CYREN: variants seen among roughly 807,000 people sequenced by gnomAD.
The protein encoded by CYREN is cell cycle regulator of non-homologous end joining.
A neutral mutation model predicts 9.7 loss-of-function variants in CYREN; 7 were observed. The observed-to-expected ratio is 0.72, with a 90% CI of 0.41 to 1.36. The LOEUF (loss-of-function observed/expected upper bound fraction) is 1.36, where lower values mean the gene tolerates loss of function less well. CYREN is among the 40% of genes most tolerant of loss of function. The pLI is 0.01. For synonymous variants in CYREN, 76 were observed against 77.9 expected, an observed-to-expected ratio of 0.98 and a Z score of 0.13; for missense variants, 215 against 198.1, an observed-to-expected ratio of 1.09 and a Z score of -0.51.
intron 2 of CYREN, among the ~76,000 whole-genome samples, chr7:135,154,398 C>T (rs1829737054): frequency 6.6e-6 from 1 of 152,006 alleles, no homozygotes; most frequent in Admixed American, 6.6e-5. Flanking sequence ...TTTCTGCTAA[C>T]TTTGGATTTG....
chr7:135,128,575 C>G lies in CYREN; in HGVS notation n.357-33993G>C, dbSNP rs1403455384. ...TCTATTTGGATTTGCCATAGAATTT[C>G]AAGATGTTTGTGAGCGCTATCTGCT... On this transcript the variant is annotated intron_variant and non_coding_transcript_variant, in intron 2 of 2. Coordinates refer to the CYREN transcript ENST00000459937. 1.0e-5 allele frequency: 8 copies of G among 770,346 alleles called. No homozygotes were observed. The East Asian group carries it at 2.0e-4, about 19-fold the overall frequency. 47.7% of individuals were successfully genotyped at this position (770,346 alleles called of 1,614,324 possible).
intron 2 of CYREN, among the ~76,000 whole-genome samples, chr7:135,138,593 A>G (rs1585329034): frequency 6.6e-6 from 1 of 152,080 alleles, no homozygotes; most frequent in South Asian, 2.1e-4. Context: ...ATTAAAATAG[A>G]AGGAGGTAGA....
intron 2 of CYREN, among the ~76,000 whole-genome samples, chr7:135,145,966 C>G (rs1278718233): frequency 1.3e-5 from 2 of 152,204 alleles, no homozygotes; most frequent in African/African-American, 4.8e-5. Context: ...ATAATGCTAA[C>G]AATCATCTGA....
chr7:135,120,300 G>T lies in CYREN; in HGVS notation n.357-25718C>A, dbSNP rs576520397. ...GATGTGGTTCCAAATATACATAAAA[G>T]ACATATTTAAGACCACTATAAATGT... On this transcript the variant is annotated intron_variant and non_coding_transcript_variant, in intron 2 of 2. Coordinates refer to the CYREN transcript ENST00000459937. 1.1e-3 allele frequency among the ~76,000 whole-genome samples: 171 copies of T among 152,224 alleles called. 1 individual carries two copies. Among genetic ancestry groups the T allele is most frequent in the Middle Eastern group, 0.01 (3 of 294 alleles).
At chr7:135,100,283 C>T (rs10808281) in intron 2 of CYREN, among the ~76,000 whole-genome samples, 145,370 of 152,160 alleles carry the variant, frequency 0.96, 69,757 homozygotes, top group East Asian at 1. Flanking sequence ...ATTGCAGCAA[C>T]TGGAGCACTG....
intron 2 of CYREN, among the ~76,000 whole-genome samples, chr7:135,117,675 A>C (rs1407515059): frequency 1.3e-5 from 2 of 152,238 alleles, no homozygotes; most frequent in Non-Finnish European, 2.9e-5. Flanking sequence ...ACAATGTTTA[A>C]GTTTGCAGTG....
At chr7:135,127,757 G>A (rs1828092640) in intron 2 of CYREN, among the ~76,000 whole-genome samples, 1 of 152,148 alleles carries the variant, frequency 6.6e-6, no homozygotes, top group South Asian at 2.1e-4. Flanking sequence ...CATTGTGGAA[G>A]ACAGTATGGC....
chr7:135,145,081 A>C (rs1294074295), intron 2 of CYREN, among the ~76,000 whole-genome samples: 1 of 152,004 alleles, frequency 6.6e-6, no homozygotes, highest in African/African-American at 2.4e-5. Context: ...TTAAGGCATA[A>C]AGCTGAAAGG....
At chr7:135,093,828 A>G (rs1470005818) in exon 3 of CYREN, 1 of 152,246 alleles carries the variant, frequency 6.6e-6, no homozygotes, top group Non-Finnish European at 1.5e-5. Context: ...ATGTTTAAGG[A>G]TTCCTGATTT....
intron 2 of CYREN, chr7:135,128,378 G>A: frequency 2.0e-6 from 1 of 505,236 alleles, no homozygotes; most frequent in Non-Finnish European, 3.6e-6. Context: ...TGGTGGGAGT[G>A]TAGCAGTGAG....
At chr7:135,150,645 C>T (rs1473053456) in intron 2 of CYREN, among the ~76,000 whole-genome samples, 1 of 152,198 alleles carries the variant, frequency 6.6e-6, no homozygotes, top group Non-Finnish European at 1.5e-5. Context: ...GTTTCTGGTA[C>T]TACTGATTCT....
chr7:135,121,552 GAA>G (rs76824052), intron 2 of CYREN, among the ~76,000 whole-genome samples: 4 of 123,620 alleles, frequency 3.2e-5, no homozygotes, highest in African/African-American at 3.0e-5. Flanking sequence ...AGGGTAATAG[GAA>G]AAAAAAAAAA....
Position 135,168,801 on chromosome 7 carries a change from G to A in CYREN, c.122C>T (p.Pro41Leu). The A allele has an allele frequency of 6.2e-7, 1 of 1,614,016 alleles. No individual in the cohort carries two copies. Among genetic ancestry groups the A allele is most frequent in the South Asian group, 1.1e-5 (1 of 91,070 alleles). ...APKRMRMAAVPVAAARLPATR... is the reference protein window; with the variant it reads ...APKRMRMAAVLVAAARLPATR... ...GCTGTCGCACCTTGCTGCTGCCACT[G>A]GCACTGCTGCCATTCTCATCCTCTT... Residue 41 changes from proline to leucine, a missense_variant, in exon 2 of 4, where the codon CCA becomes CTA. Coordinates refer to ENST00000393114, the MANE Select transcript of CYREN (RefSeq NM_024033.4).
At chr7:135,129,099 C>A in intron 2 of CYREN, 2 of 1,584,864 alleles carry the variant, frequency 1.3e-6, no homozygotes, top group South Asian at 2.2e-5. Context: ...CACTACTGGT[C>A]AGGTCAAAGA....
At chr7:135,125,887 A>G (rs1160715501) in intron 2 of CYREN, among the ~76,000 whole-genome samples, 1 of 152,236 alleles carries the variant, frequency 6.6e-6, no homozygotes, top group Non-Finnish European at 1.5e-5. Context: ...TATTGATGGA[A>G]CATATCTCAA....
chr7:135,167,280 AC>A (rs1297572399), intron 3 of CYREN: 8 of 1,068,716 alleles, frequency 7.5e-6, no homozygotes, highest in Non-Finnish European at 9.1e-6. Context: ...CTTTCAAGGC[AC>A]CTGGTAAACT....
downstream of CYREN, among the ~76,000 whole-genome samples, chr7:135,162,503 A>G (rs1208356112): frequency 6.6e-6 from 1 of 152,260 alleles, no homozygotes; most frequent in Non-Finnish European, 1.5e-5. Context: ...ATAGTTCCAC[A>G]TGGTTAGGGA....
chr7:135,161,758 G>A (rs1447836151), downstream of CYREN, among the ~76,000 whole-genome samples: 1 of 152,104 alleles, frequency 6.6e-6, no homozygotes, highest in African/African-American at 2.4e-5. The surrounding 1 kb of genome is among the most constrained non-coding windows in gnomAD (Gnocchi z 4.1). Flanking sequence ...CAGACCCTTG[G>A]CCCTCTGGGA....
In CYREN at chr7:135,130,896, C is replaced by T. The variant is rs1205473909; in HGVS notation, n.357-36314G>A. 4.6e-5 allele frequency among the ~76,000 whole-genome samples: 7 copies of T among 151,918 alleles called. No homozygotes were observed. The South Asian group carries it at 6.2e-4, about 14-fold the overall frequency. On this transcript the variant is annotated intron_variant and non_coding_transcript_variant, in intron 2 of 2. Coordinates refer to the CYREN transcript ENST00000459937. ...CTTTTGAAAAATTGTCTTTCGTTAT[C>T]GTTGGTGGGTGGCTTAGAAGCAAAG...
Sources: allele counts gnomAD v4.1 joint callset (sites outside exome capture counted in the v4.1 genomes callset), GRCh38; gene constraint gnomAD v4.1.1; non-coding constraint Gnocchi (gnomAD v3.1); transcripts MANE v1.5; gene names NCBI Gene and HGNC (gene_info 2026-07-23, HGNC 2026-07-21).